KCNMA1: variants seen among roughly 807,000 people sequenced by gnomAD.
The protein encoded by KCNMA1 is potassium calcium-activated channel subfamily M alpha 1.
Under a neutral mutation model 140.0 loss-of-function variants are expected in KCNMA1, and 29 were observed. That is an observed-to-expected ratio of 0.21 (90% CI 0.15 to 0.28). The LOEUF (loss-of-function observed/expected upper bound fraction) is 0.28. KCNMA1 is among the 10% of genes least tolerant of loss of function. The pLI, the probability that KCNMA1 is intolerant of heterozygous loss-of-function variation, is 1.00. For missense variants in KCNMA1, 880 were observed against 1,602.2 expected (o/e 0.55, Z 7.70); for synonymous variants, 612 against 611.9 (o/e 1.00, Z 0.00).
Position 77,108,808 on chromosome 10 carries a change from A to G in KCNMA1, c.1132-236T>C, listed in dbSNP as rs549346047. ...CAACTAAAGAACAAAAAAAAATCAC[A>G]GTCGAGAAAAATACAAAGGCGACAG... On this transcript the variant is annotated intron_variant, in intron 8 of 27. Coordinates refer to ENST00000286628, the MANE Select transcript of KCNMA1 (RefSeq NM_001161352.2). The surrounding 1 kb of genome is among the most constrained non-coding windows in gnomAD (Gnocchi z 4.6). 1.3e-5 allele frequency among the ~76,000 whole-genome samples: 2 copies of G among 152,304 alleles called. No homozygotes were observed. Among genetic ancestry groups the G allele is most frequent in the South Asian group, 2.1e-4 (1 of 4,820 alleles).
At chr10:77,364,733 C>T (rs1370755539) in intron 2 of KCNMA1, among the ~76,000 whole-genome samples, 1 of 152,148 alleles carries the variant, frequency 6.6e-6, no homozygotes, top group African/African-American at 2.4e-5. Context: ...GGTAGCCAGT[C>T]TAGAACTGCC....
intron 6 of KCNMA1, among the ~76,000 whole-genome samples, chr10:77,118,216 C>T (rs1375386820): frequency 6.6e-6 from 1 of 152,160 alleles, no homozygotes; most frequent in African/African-American, 2.4e-5. Context: ...CTGGAAGGAC[C>T]GCTATGAAAG....
Position 77,566,673 on chromosome 10 carries a change from C to T in KCNMA1, c.378+70592G>A, listed in dbSNP as rs143936527. On this transcript the variant is annotated intron_variant, in intron 1 of 27. Coordinates refer to ENST00000286628, the MANE Select transcript of KCNMA1 (RefSeq NM_001161352.2). ...CACCAGGAAAGGTTCAGAAGCTGCA[C>T]CAATGTCCAGGATGATTCCATCTGA... Among the ~76,000 whole-genome samples, 362 of 152,304 alleles carry T rather than the reference C, an allele frequency of 2.4e-3. 8 individuals are homozygous for T. The South Asian group carries it at 0.025, about 11-fold the overall frequency.
chr10:77,382,811 G>A (rs1409275033), intron 2 of KCNMA1, among the ~76,000 whole-genome samples: 1 of 124,132 alleles, frequency 8.1e-6, no homozygotes, highest in Non-Finnish European at 1.6e-5. Flanking sequence ...GTTGCAGTAA[G>A]CCGAGATCAC....
intron 1 of KCNMA1, among the ~76,000 whole-genome samples, chr10:77,496,250 A>G (rs1406512934): frequency 6.6e-6 from 1 of 152,092 alleles, no homozygotes; most frequent in Non-Finnish European, 1.5e-5. Context: ...TCAAGATAAG[A>G]GACCACCTCA....
chr10:77,276,547 C>CT (rs1358687162), intron 2 of KCNMA1, among the ~76,000 whole-genome samples: 1 of 152,194 alleles, frequency 6.6e-6, no homozygotes, highest in Non-Finnish European at 1.5e-5. Context: ...AAATGTCAGA[C>CT]ATTTGTGGAT....
At chr10:77,069,165 C>T (rs1157454639) in intron 14 of KCNMA1, among the ~76,000 whole-genome samples, 2 of 152,260 alleles carry the variant, frequency 1.3e-5, no homozygotes, top group Non-Finnish European at 2.9e-5. Context: ...TGGGTCTTTA[C>T]AGAAGACAGC....
intron 2 of KCNMA1, among the ~76,000 whole-genome samples, chr10:77,305,157 G>C (rs2077395699): frequency 6.6e-6 from 1 of 152,082 alleles, no homozygotes; most frequent in Non-Finnish European, 1.5e-5. Context: ...GAAGAATTTG[G>C]GACCAGAGAG....
intron 2 of KCNMA1, among the ~76,000 whole-genome samples, chr10:77,398,835 C>T (rs1162725565): frequency 6.6e-6 from 1 of 152,216 alleles, no homozygotes; most frequent in Non-Finnish European, 1.5e-5. Flanking sequence ...TTCTATACAG[C>T]ACAACCAAAC....
chr10:77,101,516 C>T (rs1179835101), intron 9 of KCNMA1, among the ~76,000 whole-genome samples: 2 of 152,162 alleles, frequency 1.3e-5, no homozygotes, highest in Non-Finnish European at 2.9e-5. Context: ...AGAATCGCTA[C>T]CAGATGATCC....
rs865867401 is a variant in KCNMA1, at chr10:77,034,261, A to G, written c.1859+5267T>C. Among the ~76,000 whole-genome samples, 650 of 151,502 alleles carry G rather than the reference A, an allele frequency of 4.3e-3. 7 individuals carry two copies. The highest frequency in any genetic ancestry group is 0.014 in the African/African-American group (588 of 41,290). On this transcript the variant is annotated intron_variant, in intron 15 of 27. Coordinates refer to ENST00000286628, the MANE Select transcript of KCNMA1 (RefSeq NM_001161352.2). The stretch of plus-strand genomic sequence containing the variant: ...TCCATCTCAAAAAAAAAAAAAAAAA[A>G]AGAGAGAGATCTGAGCCTCTCCATA...
chr10:77,187,196 T>C (rs1292697901), intron 3 of KCNMA1, among the ~76,000 whole-genome samples: 1 of 152,104 alleles, frequency 6.6e-6, no homozygotes, highest in Non-Finnish European at 1.5e-5. Flanking sequence ...GAAAATGGAA[T>C]AGTTGGGGGA....
chr10:77,246,130 C>A (rs868613692), intron 3 of KCNMA1, among the ~76,000 whole-genome samples: 2 of 152,176 alleles, frequency 1.3e-5, no homozygotes, highest in African/African-American at 4.8e-5. Flanking sequence ...CCCATTCTTG[C>A]AACATCTCAT....
chr10:77,511,527 C>T (rs1182342720), intron 1 of KCNMA1, among the ~76,000 whole-genome samples: 1 of 152,196 alleles, frequency 6.6e-6, no homozygotes, highest in Non-Finnish European at 1.5e-5. Context: ...TAAAACTTCC[C>T]AAGCCACAGC....
chr10:77,518,381 G>T (rs2051382132), intron 1 of KCNMA1, among the ~76,000 whole-genome samples: 1 of 152,186 alleles, frequency 6.6e-6, no homozygotes, highest in African/African-American at 2.4e-5. Context: ...CAGGCCCTGG[G>T]ACTGAAATTT....
intron 14 of KCNMA1, among the ~76,000 whole-genome samples, chr10:77,054,216 T>C (rs1009541486): frequency 1.3e-5 from 2 of 152,322 alleles, no homozygotes; most frequent in East Asian, 3.9e-4. Context: ...TTCTTGCCTC[T>C]CTAGCCTATT....
chr10:77,203,038 A>G (rs1029103514), intron 3 of KCNMA1, among the ~76,000 whole-genome samples: 10 of 152,360 alleles, frequency 6.6e-5, no homozygotes, highest in African/African-American at 2.2e-4. Flanking sequence ...AAGATGTGTC[A>G]CTGCTGTTAA....
At chr10:76,958,941 C>A (rs557034712) in intron 20 of KCNMA1, among the ~76,000 whole-genome samples, 7 of 152,234 alleles carry the variant, frequency 4.6e-5, no homozygotes, top group Admixed American at 2.0e-4. Context: ...TGAAGGCCCC[C>A]GGCTGCCCTT....
chr10:77,256,270 G>A (rs866067478), intron 2 of KCNMA1, among the ~76,000 whole-genome samples: 1 of 152,116 alleles, frequency 6.6e-6, no homozygotes, highest in Non-Finnish European at 1.5e-5. Context: ...GCGGGTGTGT[G>A]AGGCTTCACG....
Sources: gnomAD v4.1 joint callset for allele counts (sites outside exome capture counted in the v4.1 genomes callset) on GRCh38, gnomAD v4.1.1 for gene constraint, Gnocchi (gnomAD v3.1) non-coding constraint, MANE v1.5 for transcripts, NCBI Gene and HGNC (gene_info 2026-07-23, HGNC 2026-07-21) for gene names.